The following NAALADL2 variants were observed in gnomAD, a reference collection of about 807,000 sequenced individuals.
NAALADL2 encodes the protein N-acetylated alpha-linked acidic dipeptidase like 2.
NAALADL2 carries 76 observed loss-of-function variants against 87.2 expected under a neutral mutation model. That is an observed-to-expected ratio of 0.87 (90% CI 0.72 to 1.05). The LOEUF is 1.05. NAALADL2 is among the 50% of genes least tolerant of loss of function. NAALADL2 has a pLI of 0.00. For synonymous variants in NAALADL2, 354 were observed against 331.0 expected, an observed-to-expected ratio of 1.07 and a Z score of -0.75; for missense variants, 1,089 against 945.8, an observed-to-expected ratio of 1.15 and a Z score of -1.99.
chr3:174,468,507 A>G (rs1318474298), intron 1 of NAALADL2, among the ~76,000 whole-genome samples: 5 of 150,512 alleles, frequency 3.3e-5, no homozygotes, highest in Admixed American at 6.6e-5. Flanking sequence ...CAGCCTCCCA[A>G]GTAGCTGGGA....
At chr3:174,962,379 T>TATATATGTCATAGTGACTATGAC (rs1742173288) in intron 1 of NAALADL2, among the ~76,000 whole-genome samples, 2 of 102,614 alleles carry the variant, frequency 1.9e-5, no homozygotes, top group Admixed American at 8.3e-5. Flanking sequence ...GACATATATA[T>TATATATGTCATAGTGACTATGAC]ATATATATAT....
chr3:175,062,476 CTGTGTGTG>C (rs71792051), intron 1 of NAALADL2, among the ~76,000 whole-genome samples: 9,045 of 131,490 alleles, frequency 0.069, 354 homozygotes, highest in East Asian at 0.17. Flanking sequence ...GGAAGTTTGG[CTGTGTGTG>C]TGTGTGTGTG....
At chr3:174,790,447 C>T (rs1041185425) in intron 3 of NAALADL2, among the ~76,000 whole-genome samples, 1 of 151,862 alleles carries the variant, frequency 6.6e-6, no homozygotes. Flanking sequence ...GTCAGGAGTT[C>T]GAGACCAGCC....
At chr3:175,278,538 G>A (rs1753884654) in intron 4 of NAALADL2, among the ~76,000 whole-genome samples, 1 of 152,160 alleles carries the variant, frequency 6.6e-6, no homozygotes, top group South Asian at 2.1e-4. Context: ...TTTCCATGGT[G>A]TGTCAACTTT....
In NAALADL2 at chr3:175,106,877, A is replaced by G. The variant is rs563795642; in HGVS notation, c.545+9586A>G. On this transcript the variant is annotated intron_variant, in intron 2 of 13. Transcript: ENST00000454872. ...AGGAGTGATTTACAGGGGAACATTT[A>G]AATTAAAATACATTTTAAAATAGAT... Among the ~76,000 whole-genome samples, 31 of 150,756 alleles carry G rather than the reference A, an allele frequency of 2.1e-4. No individual in the cohort carries two copies. In the South Asian group the frequency reaches 5.9e-3, roughly 29 times the overall value.
rs772222800 is a variant in NAALADL2 at position 175,467,141 on chromosome 3, G to A, written c.1490G>A (p.Gly497Glu). The change falls in exon 8 of 14, where the codon GGA becomes GAA. Residue 497 changes from glycine to glutamate, a missense_variant. Gly to Glu is a moderately conservative substitution (Grantham distance 98). Transcript: ENST00000454872. The part of the protein sequence containing the change: ...PDRTIVFCSW[G>E]GTAFGNIGSY... Reference sequence around the variant, plus strand: ...CGAACTATTGTTTTCTGTTCTTGGGGAGGAACAGCTTTTGGCAATATTGGC... The same window carrying A: ...CGAACTATTGTTTTCTGTTCTTGGGAAGGAACAGCTTTTGGCAATATTGGC... The A allele has an allele frequency of 4.1e-5, 66 of 1,613,770 alleles. No individual in the cohort carries two copies. The South Asian group carries it at 5.7e-4, about 14-fold the overall frequency.
intron 1 of NAALADL2, among the ~76,000 whole-genome samples, chr3:174,885,490 ACTC>A (rs1392154850): frequency 2.0e-5 from 3 of 151,848 alleles, no homozygotes; most frequent in South Asian, 2.1e-4. Flanking sequence ...GAGTCACTAA[ACTC>A]CTTGCCTCCC....
chr3:175,224,172 A>AGGTCTGGGTGGGAGT (rs1743820777), intron 2 of NAALADL2, among the ~76,000 whole-genome samples: 3 of 152,118 alleles, frequency 2.0e-5, no homozygotes, highest in Non-Finnish European at 2.9e-5. Flanking sequence ...GGATAATTAT[A>AGGTCTGGGTGGGAGT]GGTCTGGGTG....
chr3:174,634,221 C>T (rs530382156), intron 2 of NAALADL2, among the ~76,000 whole-genome samples: 1 of 152,120 alleles, frequency 6.6e-6, no homozygotes, highest in South Asian at 2.1e-4. Flanking sequence ...TTTCCTGTTC[C>T]CTCTCTTCCT....
At chr3:175,063,103 T>G (rs1713853508) in intron 1 of NAALADL2, among the ~76,000 whole-genome samples, 1 of 152,144 alleles carries the variant, frequency 6.6e-6, no homozygotes, top group Admixed American at 6.6e-5. Flanking sequence ...AGTATACAGT[T>G]TTGAGAAAGT....
intron 13 of NAALADL2, among the ~76,000 whole-genome samples, chr3:175,795,716 TAAAAA>T (rs556939443): frequency 6.7e-6 from 1 of 150,216 alleles, no homozygotes; most frequent in African/African-American, 2.5e-5. Flanking sequence ...ATAAAATAAA[TAAAAA>T]AGAACAGATT....
chr3:175,632,741 A>T (rs568265722), intron 11 of NAALADL2, among the ~76,000 whole-genome samples: 9 of 152,190 alleles, frequency 5.9e-5, no homozygotes, highest in African/African-American at 2.2e-4. Context: ...GACATTGGAT[A>T]TATGGAGTTC....
intron 9 of NAALADL2, among the ~76,000 whole-genome samples, chr3:175,483,640 C>T (rs985075807): frequency 2.6e-5 from 4 of 151,942 alleles, no homozygotes; most frequent in Admixed American, 6.6e-5. Context: ...TGCAGAGGAC[C>T]GTTGACTCAA....
In NAALADL2 at chr3:175,439,731, C is replaced by CTT. The variant is rs535237866; in HGVS notation, c.1091-7491_1091-7490dup. On this transcript the variant is annotated intron_variant, in intron 5 of 13. Transcript: ENST00000454872. ...TTTCTTGTGTTTGTGGTTTTTTTTT[C>CTT]TTTTTTTTCTTTTTTTGATGATTTG... Among the ~76,000 whole-genome samples the CTT allele has an allele frequency of 1.1e-3, 125 of 113,766 alleles. 3 individuals are homozygous for CTT. Among genetic ancestry groups the CTT allele is most frequent in the South Asian group, 2.6e-3 (9 of 3,492 alleles). The allele number at this position is 113,766 out of a possible 152,430, so 74.6% of individuals were successfully genotyped here.
At chr3:175,228,345 A>C (rs1023952376) in intron 2 of NAALADL2, among the ~76,000 whole-genome samples, 3 of 151,968 alleles carry the variant, frequency 2.0e-5, no homozygotes, top group Non-Finnish European at 4.4e-5. Context: ...GGGAGTAGCA[A>C]TCAATATCTA....
Position 175,398,344 on chromosome 3 carries a change from CTT to C in NAALADL2, c.1091-48864_1091-48863del, listed in dbSNP as rs776575751. Among the ~76,000 whole-genome samples the C allele has an allele frequency of 3.4e-3, 379 of 112,026 alleles. 1 individual carries two copies. The highest frequency in any genetic ancestry group is 7.7e-3 in the African/African-American group (229 of 29,668). 73.5% of individuals were successfully genotyped at this position (112,026 alleles called of 152,430 possible). A position where few individuals can be genotyped will look rare whatever the true frequency, so the allele number is the denominator to read the frequency against. On this transcript the variant is annotated intron_variant, in intron 5 of 13. Coordinates refer to ENST00000454872, the MANE Select transcript of NAALADL2 (RefSeq NM_207015.3). Reference sequence around the variant, plus strand: ...TTCTTAATTAGTGATGCTTCTGCTACTTTTTTTTTTTTTTTTTTTTTTCCATC... The same window carrying C: ...TTCTTAATTAGTGATGCTTCTGCTACTTTTTTTTTTTTTTTTTTTTCCATC...
intron 1 of NAALADL2, among the ~76,000 whole-genome samples, chr3:174,955,492 A>G (rs1741025458): frequency 6.6e-6 from 1 of 152,108 alleles, no homozygotes; most frequent in Non-Finnish European, 1.5e-5. Context: ...TGATCAGCTA[A>G]TAAGGATCAG....
At chr3:175,135,956 G>A (rs1436030026) in intron 2 of NAALADL2, among the ~76,000 whole-genome samples, 1 of 152,162 alleles carries the variant, frequency 6.6e-6, no homozygotes, top group Non-Finnish European at 1.5e-5. Context: ...TGACACAGAA[G>A]ACTAATGTAA....
chr3:174,622,883 A>AG (rs1721161814), intron 2 of NAALADL2, among the ~76,000 whole-genome samples: 1 of 152,082 alleles, frequency 6.6e-6, no homozygotes, highest in Non-Finnish European at 1.5e-5. Context: ...TACTAAAAAA[A>AG]GTACAAAAAA....
Sources: gnomAD v4.1 joint callset for allele counts (sites outside exome capture counted in the v4.1 genomes callset) on GRCh38, gnomAD v4.1.1 for gene constraint, MANE v1.5 for transcripts, NCBI Gene and HGNC (gene_info 2026-07-23, HGNC 2026-07-21) for gene names.